CEP85L: variants seen among roughly 807,000 people sequenced by gnomAD.
CEP85L encodes the protein centrosomal protein of 85 kDa-like.
In CEP85L, 60 loss-of-function variants were observed where a neutral mutation model predicts 100.3. The observed-to-expected ratio is 0.60, with a 90% confidence interval of 0.49 to 0.74. CEP85L has a LOEUF of 0.74. CEP85L is among the 30% of genes least tolerant of loss of function. The pLI is 0.00. For missense variants in CEP85L, 973 were observed against 936.2 expected, an observed-to-expected ratio of 1.04 and a Z score of -0.51; for synonymous variants, 319 against 322.7, an observed-to-expected ratio of 0.99 and a Z score of 0.12.
chr6:118,566,820 T>C (rs774628918), intron 2 of CEP85L, among the ~76,000 whole-genome samples: 12 of 152,206 alleles, frequency 7.9e-5, no homozygotes, highest in Non-Finnish European at 8.8e-5. Context: ...TTTCTAAATA[T>C]GGATACCTAA....
intron 2 of CEP85L, among the ~76,000 whole-genome samples, chr6:118,583,184 G>A (rs771365922): frequency 2.4e-4 from 37 of 152,166 alleles, no homozygotes; most frequent in Non-Finnish European, 4.4e-4. Context: ...GGTCCAGCAG[G>A]ACTGACGGGT....
At chr6:118,687,728 C>T (rs1400964723) in intron 1 of CEP85L, among the ~76,000 whole-genome samples, 3 of 152,272 alleles carry the variant, frequency 2.0e-5, no homozygotes, top group South Asian at 2.1e-4. Flanking sequence ...GTGTTTGTTA[C>T]AGCTCGAGCT....
chr6:118,691,493 A>C (rs1373371366), intron 1 of CEP85L, among the ~76,000 whole-genome samples: 1 of 149,830 alleles, frequency 6.7e-6, no homozygotes, highest in Non-Finnish European at 1.5e-5. Context: ...AGATCGCAGC[A>C]TTGCACTCTA....
intron 2 of CEP85L, among the ~76,000 whole-genome samples, chr6:118,587,750 G>A (rs750722539): frequency 1.1e-4 from 17 of 152,088 alleles, no homozygotes; most frequent in African/African-American, 2.2e-4. Context: ...GGCATATTAC[G>A]TCTCTAATTT....
chr6:118,615,517 C>T (rs1365980336), intron 2 of CEP85L, among the ~76,000 whole-genome samples: 3 of 152,146 alleles, frequency 2.0e-5, no homozygotes, highest in African/African-American at 7.2e-5. Context: ...GTTTCCCACA[C>T]CGTGCACGTT....
intron 2 of CEP85L, among the ~76,000 whole-genome samples, chr6:118,621,448 T>C (rs1234632384): frequency 6.6e-6 from 1 of 152,166 alleles, no homozygotes; most frequent in Non-Finnish European, 1.5e-5. Flanking sequence ...ATCCCGACTT[T>C]CGTGGATGGT....
At chr6:118,688,230 A>T (rs1429770322) in intron 1 of CEP85L, among the ~76,000 whole-genome samples, 1 of 152,104 alleles carries the variant, frequency 6.6e-6, no homozygotes, top group East Asian at 1.9e-4. Flanking sequence ...TGAACTCCTG[A>T]CCTCAGGTGA....
chr6:118,542,886 T>C (rs1450681277), intron 3 of CEP85L, among the ~76,000 whole-genome samples: 1 of 63,878 alleles, frequency 1.6e-5, no homozygotes, highest in Non-Finnish European at 3.1e-5. Context: ...AACTTCAACA[T>C]CACCAAGTTT....
intron 8 of CEP85L, among the ~76,000 whole-genome samples, chr6:118,481,371 T>A (rs1356874392): frequency 6.6e-6 from 1 of 152,136 alleles, no homozygotes; most frequent in Non-Finnish European, 1.5e-5. Flanking sequence ...CTTCAAAATG[T>A]TAAATTATAA....
chr6:118,649,672 T>G (rs1775418664), intron 1 of CEP85L, among the ~76,000 whole-genome samples: 1 of 152,148 alleles, frequency 6.6e-6, no homozygotes, highest in Non-Finnish European at 1.5e-5. Context: ...ACAGGATTTG[T>G]GAATAATCTG....
intron 1 of CEP85L, among the ~76,000 whole-genome samples, chr6:118,694,238 A>G (rs1015633046): frequency 6.6e-6 from 1 of 152,242 alleles, no homozygotes; most frequent in South Asian, 2.1e-4. Flanking sequence ...CTTCAAGTCC[A>G]GAACTTCTGG....
chr6:118,540,312 T>G (rs1267225295), intron 3 of CEP85L, among the ~76,000 whole-genome samples: 1 of 152,194 alleles, frequency 6.6e-6, no homozygotes, highest in East Asian at 1.9e-4. Context: ...CACCTGACAA[T>G]GTTTATTAAC....
At chr6:118,473,502 A>G (rs1169163912) in intron 10 of CEP85L, among the ~76,000 whole-genome samples, 1 of 152,178 alleles carries the variant, frequency 6.6e-6, no homozygotes, top group Non-Finnish European at 1.5e-5. Flanking sequence ...GAAGGAAGAC[A>G]GCATGCAGAA....
intron 11 of CEP85L, 67 bp from the exon 12 acceptor site, chr6:118,469,370 G>A (rs1185147144): frequency 9.0e-6 from 11 of 1,222,216 alleles, no homozygotes; most frequent in Non-Finnish European, 1.3e-5. Context: ...AGCCATACAG[G>A]TTAACATTCT....
intron 1 of CEP85L, among the ~76,000 whole-genome samples, chr6:118,671,867 G>T (rs773526443): frequency 6.6e-6 from 1 of 152,136 alleles, no homozygotes; most frequent in African/African-American, 2.4e-5. Context: ...GAACACAGAG[G>T]TGGATGTTGC....
intron 1 of CEP85L, among the ~76,000 whole-genome samples, chr6:118,690,867 G>T (rs1256391380): frequency 3.3e-5 from 5 of 151,958 alleles, no homozygotes; most frequent in African/African-American, 1.2e-4. Flanking sequence ...ACATAGTGGT[G>T]ACTCTCTGTG....
At chr6:118,638,416 T>C (rs1774650641) in intron 1 of CEP85L, among the ~76,000 whole-genome samples, 2 of 151,900 alleles carry the variant, frequency 1.3e-5, no homozygotes, top group Admixed American at 6.6e-5. Context: ...CTGAAAAGAA[T>C]GACATGACTT....
chr6:118,481,478 C>T (rs1273813690), intron 8 of CEP85L, among the ~76,000 whole-genome samples: 2 of 152,004 alleles, frequency 1.3e-5, no homozygotes, highest in African/African-American at 4.8e-5. Context: ...GTGTCAAAAT[C>T]CAAAACTTTT....
intron 1 of CEP85L, among the ~76,000 whole-genome samples, chr6:118,697,258 T>C (rs1583269664): frequency 6.6e-6 from 1 of 152,318 alleles, no homozygotes; most frequent in South Asian, 2.1e-4. Flanking sequence ...GTATAGCTAT[T>C]GGATTGACAA....
Sources: gnomAD v4.1 joint callset for allele counts (sites outside exome capture counted in the v4.1 genomes callset) on GRCh38, gnomAD v4.1.1 for gene constraint, MANE v1.5 for transcripts, NCBI Gene and HGNC (gene_info 2026-07-23, HGNC 2026-07-21) for gene names.